The following UBR3 variants were observed in gnomAD, a reference collection of about 807,000 sequenced individuals.
The protein encoded by UBR3 is E3 ubiquitin-protein ligase UBR3.
In UBR3, 85 loss-of-function variants were observed where a neutral mutation model predicts 243.2. The observed-to-expected ratio is 0.35, with a 90% CI of 0.29 to 0.42. The LOEUF (loss-of-function observed/expected upper bound fraction) is 0.42. Ranked by LOEUF, UBR3 falls within the 10% of genes least tolerant of loss-of-function variation. The probability of loss-of-function intolerance (pLI) is 1.00; values close to 1 mark genes in which losing one functional copy is unlikely to be tolerated. For missense variants in UBR3, 1,686 were observed against 2,300.8 expected (o/e 0.73, Z 5.47); for synonymous variants, 748 against 799.8 (o/e 0.94, Z 1.09).
At chr2:170,029,923 C>T (rs945849315) in intron 31 of UBR3, among the ~76,000 whole-genome samples, 1 of 152,048 alleles carries the variant, frequency 6.6e-6, no homozygotes, top group African/African-American at 2.4e-5. Context: ...TTATAAAGAA[C>T]TTTACCATAT....
rs577694775 is a variant in UBR3, at chr2:169,986,744, C to T, written c.3734C>T (p.Ser1245Phe). The T allele has an allele frequency of 6.2e-7, 1 of 1,614,090 alleles. No individual in the cohort carries two copies. Among genetic ancestry groups the T allele is most frequent in the South Asian group, 1.1e-5 (1 of 91,078 alleles). ...GTTATTTGTGGACAGAGTGGCCCCTCCTCTGAAGATCGACCTACTGGATTA... is the reference window on the plus strand; with the variant it reads ...GTTATTTGTGGACAGAGTGGCCCCTTCTCTGAAGATCGACCTACTGGATTA... Reference protein sequence around the residue: ...DCVICGQSGPSSEDRPTGLVV... With the variant: ...DCVICGQSGPFSEDRPTGLVV... Residue 1245 changes from serine (S) to phenylalanine (F), a missense_variant, in exon 25 of 39, where the codon TCC (serine) becomes TTC (phenylalanine). Physicochemically the swap from Ser to Phe is radical, Grantham distance 155. Transcript: ENST00000272793.
intron 11 of UBR3, among the ~76,000 whole-genome samples, chr2:169,919,090 G>A (rs2085583467): frequency 6.6e-6 from 1 of 152,136 alleles, no homozygotes; most frequent in Admixed American, 6.5e-5. Flanking sequence ...TAGCATTTGC[G>A]GCAGGGGGAA....
chr2:170,068,825 T>C (rs778053939), intron 35 of UBR3, among the ~76,000 whole-genome samples: 4 of 152,160 alleles, frequency 2.6e-5, no homozygotes, highest in Non-Finnish European at 5.9e-5. Flanking sequence ...AGAGAATATA[T>C]AGATAACATT....
chr2:169,924,243 T>C, intron 13 of UBR3, 70 bp downstream of exon 13: 1 of 1,157,506 alleles, frequency 8.6e-7, no homozygotes. Context: ...TTTATTTATA[T>C]GCCTTTCATT....
At chr2:170,031,982 C>T (rs187249549) in intron 31 of UBR3, among the ~76,000 whole-genome samples, 29 of 152,222 alleles carry the variant, frequency 1.9e-4, no homozygotes, top group Non-Finnish European at 4.0e-4. Flanking sequence ...CTGTGATGTA[C>T]ATGCAAGTAC....
At chr2:169,935,935 T>C (rs1371093920) in intron 19 of UBR3, among the ~76,000 whole-genome samples, 3 of 152,234 alleles carry the variant, frequency 2.0e-5, no homozygotes, top group East Asian at 3.8e-4. Flanking sequence ...TAAAAATTGC[T>C]TTTTTTATGC....
intron 5 of UBR3, among the ~76,000 whole-genome samples, chr2:169,890,553 A>ATATATATGTGTATATATATATATG (rs2084309274): frequency 4.2e-5 from 4 of 96,360 alleles, no homozygotes; most frequent in African/African-American, 2.1e-4. Flanking sequence ...ATATATATAT[A>ATATATATGTGTATATATATATATG]TATATATATA....
At chr2:170,074,003 G>A (rs1466756609) in intron 36 of UBR3, among the ~76,000 whole-genome samples, 2 of 152,088 alleles carry the variant, frequency 1.3e-5, no homozygotes, top group Non-Finnish European at 2.9e-5. Context: ...AAAATTTCTT[G>A]GGCCTATGCT....
intron 24 of UBR3, among the ~76,000 whole-genome samples, chr2:169,975,907 T>TATA (rs1174212126): frequency 1.3e-5 from 2 of 148,160 alleles, no homozygotes; most frequent in African/African-American, 5.0e-5. Flanking sequence ...TATATATATA[T>TATA]TCTCTTTTTG....
chr2:170,061,076 C>A lies in UBR3; in HGVS notation c.4786-3C>A. The A allele has an allele frequency of 6.6e-7, 1 of 1,515,586 alleles. No individual in the cohort carries two copies. The highest frequency in any genetic ancestry group is 1.4e-5 in the South Asian group (1 of 73,394). The allele number at this position is 1,515,586 out of a possible 1,614,324, so 93.9% of individuals were successfully genotyped here. On this transcript the variant is annotated splice_region_variant and splice_polypyrimidine_tract_variant and intron_variant, in intron 33 of 38. Coordinates refer to ENST00000272793, the MANE Select transcript of UBR3 (RefSeq NM_172070.4). ...AGTGTAACCAATATTTTAATTTTTT[C>A]AGAGTACATGTGATGCAGAAAAGTC...
rs531376306 is a variant in UBR3 at position 169,855,140 on chromosome 2, G to A, written c.546-17096G>A. Among the ~76,000 whole-genome samples the A allele has an allele frequency of 4.6e-5, 7 of 152,130 alleles. No homozygotes were observed. In the South Asian group the frequency reaches 8.3e-4, roughly 18 times the overall value. On this transcript the variant is annotated intron_variant, in intron 1 of 38. Transcript: ENST00000272793. ...TATGCAGATTCTTTCTTGGACTTTG[G>A]TTTGAGAAAATGTCTTCACGGGTAT...
intron 26 of UBR3, among the ~76,000 whole-genome samples, chr2:169,996,849 A>C (rs1161600782): frequency 6.6e-6 from 1 of 151,634 alleles, no homozygotes; most frequent in Non-Finnish European, 1.5e-5. Context: ...ACAGGCGCCC[A>C]CCACCATGTC....
intron 19 of UBR3, 147 bp from the exon 20 acceptor site, chr2:169,942,346 A>AGATACCTC (rs1420160460): frequency 9.5e-6 from 7 of 736,010 alleles, no homozygotes; most frequent in Non-Finnish European, 1.5e-5. Context: ...TGTAGAGAAT[A>AGATACCTC]GATACCTCTT....
intron 31 of UBR3, among the ~76,000 whole-genome samples, chr2:170,040,512 C>T (rs1274845000): frequency 1.3e-5 from 2 of 152,140 alleles, no homozygotes; most frequent in Non-Finnish European, 2.9e-5. Context: ...TTCGTTATTG[C>T]TAAGTTTGTG....
intron 1 of UBR3, among the ~76,000 whole-genome samples, chr2:169,835,392 A>G (rs1574002049): frequency 6.6e-6 from 1 of 151,992 alleles, no homozygotes; most frequent in South Asian, 2.1e-4. Flanking sequence ...AAAAACAAAC[A>G]ACTCCCCCAA....
intron 35 of UBR3, among the ~76,000 whole-genome samples, chr2:170,070,731 G>T (rs2091679794): frequency 6.6e-6 from 1 of 152,084 alleles, no homozygotes; most frequent in Non-Finnish European, 1.5e-5. Flanking sequence ...AAATTACAAT[G>T]GGGTGATGAA....
At position 169,906,089 on chromosome 2, in the gene UBR3, C is replaced by T. The variant is rs1000114448; in HGVS notation, c.1704C>T (p.Tyr568=). 3.9e-6 allele frequency: 6 copies of T among 1,551,630 alleles called. No individual in the cohort carries two copies. Among genetic ancestry groups the T allele is most frequent in the Non-Finnish European group, 4.4e-6 (5 of 1,146,928 alleles). ...NEHVEFESQT[Y]YAAFAAELEA... is the part of the protein sequence containing the mutation. ...ATGTGGAATTTGAGTCTCAGACCTA[C>T]TATGCTGCCTTTGCTGCTGAACTTG... The change falls in exon 10 of 39, where the codon TAC becomes TAT. Residue 568 remains tyrosine, a synonymous_variant. Transcript: ENST00000272793.
chr2:170,042,906 C>A (rs1007033622), intron 32 of UBR3, among the ~76,000 whole-genome samples: 1 of 151,838 alleles, frequency 6.6e-6, no homozygotes, highest in Non-Finnish European at 1.5e-5. Flanking sequence ...AGTTTAAAAA[C>A]CTGTTAAGTA....
chr2:169,858,085 T>G (rs2082954104), intron 1 of UBR3, among the ~76,000 whole-genome samples: 1 of 152,212 alleles, frequency 6.6e-6, no homozygotes, highest in South Asian at 2.1e-4. Context: ...AACAGGCATT[T>G]ATTATCTCAT....
Sources: gnomAD v4.1 joint callset for allele counts (sites outside exome capture counted in the v4.1 genomes callset) on GRCh38, gnomAD v4.1.1 for gene constraint, MANE v1.5 for transcripts, NCBI Gene and HGNC (gene_info 2026-07-23, HGNC 2026-07-21) for gene names.